HS3ST1: variants seen among roughly 807,000 people sequenced by gnomAD.
HS3ST1 encodes the protein heparan sulfate-glucosamine 3-sulfotransferase 1, also known as heparan sulfate glucosamine 3-O-sulfotransferase 1.
In HS3ST1, 8 loss-of-function variants were observed where a neutral mutation model predicts 20.7. That is an observed-to-expected ratio of 0.39 (90% confidence interval 0.23 to 0.70). The LOEUF (loss-of-function observed/expected upper bound fraction) is 0.70, where lower values mean the gene tolerates loss of function less well. Among genes scored for constraint, HS3ST1 ranks in the 30% least tolerant of loss-of-function variants. The probability of loss-of-function intolerance (pLI) is 0.46; values close to 1 mark genes in which losing one functional copy is unlikely to be tolerated. For missense variants in HS3ST1, 436 were observed against 423.4 expected (o/e 1.03, Z -0.26); for synonymous variants, 205 against 190.4 (o/e 1.08, Z -0.63).
intron 1 of HS3ST1, among the ~76,000 whole-genome samples, chr4:11,424,633 A>G (rs1412498878): frequency 2.0e-5 from 3 of 152,194 alleles, no homozygotes; most frequent in Non-Finnish European, 4.4e-5. Flanking sequence ...CACCAGAGGC[A>G]CATCAAGATG....
At chr4:11,400,389 T>G (rs1718291242) in intron 1 of HS3ST1, among the ~76,000 whole-genome samples, 2 of 152,214 alleles carry the variant, frequency 1.3e-5, no homozygotes, top group South Asian at 4.1e-4. Context: ...TGGGTGTGGT[T>G]GTGTTCCAAG....
At chr4:11,401,502 G>A (rs112292428) in intron 1 of HS3ST1, among the ~76,000 whole-genome samples, 50 of 152,062 alleles carry the variant, frequency 3.3e-4, no homozygotes, top group African/African-American at 1.1e-3. Context: ...GTGCCACCAC[G>A]CCCAGCTAAT....
chr4:11,405,326 C>T (rs1018838079), intron 1 of HS3ST1, among the ~76,000 whole-genome samples: 7 of 152,190 alleles, frequency 4.6e-5, no homozygotes, highest in African/African-American at 1.7e-4. Context: ...CTATCAGCAA[C>T]AGTAAGCTTC....
In HS3ST1 at chr4:11,407,357, C is replaced by T. The variant is rs193225745; in HGVS notation, c.-108-7244G>A. ...ACTATTCGAATATCTCCTCCTCTAGCCTTCTGTGCTTCCTTGAATCCTCTG... is the reference window on the plus strand; with the variant it reads ...ACTATTCGAATATCTCCTCCTCTAGTCTTCTGTGCTTCCTTGAATCCTCTG... On this transcript the variant is annotated intron_variant, in intron 1 of 1. Transcript: ENST00000002596. 1.4e-3 allele frequency among the ~76,000 whole-genome samples: 213 copies of T among 152,272 alleles called. 1 individual carries two copies. The highest frequency in any genetic ancestry group is 3.7e-3 in the Admixed American group (56 of 15,298).
At position 11,397,334 on chromosome 4, in the gene HS3ST1, T is replaced by A. The variant is rs1279688709; in HGVS notation, c.*1748A>T. On this transcript the variant is annotated 3_prime_UTR_variant, in exon 2 of 2. Transcript: ENST00000002596. ...GGGTGGGGCATAGGCCATGCTAAGG[T>A]CAGGTCAGGCTGGAGCTGCTGAAAC... The A allele has an allele frequency of 6.6e-6, 1 of 152,418 alleles. No homozygotes were observed. 9.4% of individuals were successfully genotyped at this position (152,418 alleles called of 1,614,324 possible).
intron 1 of HS3ST1, among the ~76,000 whole-genome samples, chr4:11,406,553 G>A (rs75822011): frequency 0.011 from 1,625 of 152,228 alleles, 31 homozygotes; most frequent in African/African-American, 0.037. Flanking sequence ...ATGCTGTTAA[G>A]GTTAAATGAC....
intron 1 of HS3ST1, among the ~76,000 whole-genome samples, chr4:11,411,950 G>A (rs1027151669): frequency 1.3e-5 from 2 of 152,048 alleles, no homozygotes; most frequent in African/African-American, 4.8e-5. Flanking sequence ...TGAAATATGG[G>A]GATGGTAACA....
upstream of HS3ST1, among the ~76,000 whole-genome samples, chr4:11,431,717 A>G (rs1187956257): frequency 6.6e-6 from 1 of 152,222 alleles, no homozygotes; most frequent in East Asian, 1.9e-4. Flanking sequence ...TAGAAACAAA[A>G]GCAACTGACC....
chr4:11,411,010 T>C (rs1180023733), intron 1 of HS3ST1, among the ~76,000 whole-genome samples: 1 of 152,220 alleles, frequency 6.6e-6, no homozygotes, highest in East Asian at 1.9e-4. Flanking sequence ...ATGTACAGGC[T>C]CTGACTTGAG....
rs148362055 is a variant in HS3ST1, at chr4:11,403,215, A to G, written c.-108-3102T>C. ...TGTTTGTGTGTGTAAATGTATGCAC[A>G]CATATATTCATAGCTAAATATAGTA... On this transcript the variant is annotated intron_variant, in intron 1 of 1. Coordinates refer to ENST00000002596, the MANE Select transcript of HS3ST1 (RefSeq NM_005114.4). Among the ~76,000 whole-genome samples the G allele has an allele frequency of 5.9e-5, 9 of 152,366 alleles. No homozygotes were observed. In the East Asian group the frequency reaches 1.5e-3, roughly 26 times the overall value.
intron 1 of HS3ST1, among the ~76,000 whole-genome samples, chr4:11,417,591 TA>T (rs1156518260): frequency 1.8e-4 from 28 of 152,142 alleles, no homozygotes; most frequent in Admixed American, 1.8e-3. Context: ...GTCCTGCACT[TA>T]AACATTAATA....
chr4:11,402,045 A>G lies in HS3ST1; in HGVS notation c.-108-1932T>C, dbSNP rs78896778. Among the ~76,000 whole-genome samples the G allele has an allele frequency of 2.0e-3, 300 of 152,368 alleles. 1 individual carries two copies. The highest frequency in any genetic ancestry group is 6.8e-3 in the African/African-American group (283 of 41,590). On this transcript the variant is annotated intron_variant, in intron 1 of 1. Transcript: ENST00000002596. The stretch of plus-strand genomic sequence containing the variant: ...TGAGGGATTTACAAAGCTAGTAAAA[A>G]TATTCTCCATCAAGAGGACTCATCA...
upstream of HS3ST1, among the ~76,000 whole-genome samples, chr4:11,434,294 CA>C (rs1449172245): frequency 6.6e-6 from 1 of 152,102 alleles, no homozygotes; most frequent in Non-Finnish European, 1.5e-5. Context: ...TTCTTTTTAA[CA>C]AAAATTAATT....
chr4:11,399,661 G>T lies in HS3ST1; in HGVS notation c.345C>A (p.Leu115=). 1 of 1,613,928 alleles carries T rather than the reference G, an allele frequency of 6.2e-7. No individual in the cohort carries two copies. Among genetic ancestry groups the T allele is most frequent in the Non-Finnish European group, 8.5e-7 (1 of 1,180,034 alleles). The stretch of plus-strand genomic sequence containing the variant: ...AATACGCGGGGGTCTTCTCCACTGT[G>T]AGCTGGTGTGGCCAGGAGAAGGGCA... ...SQMPFSWPHQ[L]TVEKTPAYFT... is the part of the protein sequence containing the mutation. The change falls in exon 2 of 2, where the codon CTC becomes CTA. Residue 115 remains leucine (L), a synonymous_variant. Coordinates refer to ENST00000002596, the MANE Select transcript of HS3ST1 (RefSeq NM_005114.4). This position sits in a 1 kb window ranked among gnomAD's most constrained non-coding sequence, Gnocchi z 5.1.
upstream of HS3ST1, chr4:11,429,643 C>CTGTTTTTTTTTTTTTTTTTTTTT (rs1719163580): frequency 2.1e-5 from 1 of 47,232 alleles, no homozygotes; most frequent in Non-Finnish European, 3.7e-5. Flanking sequence ...GAAAATTCAG[C>CTGTTTTTTTTTTTTTTTTTTTTT]TTTTTTTTTT....
At chr4:11,410,693 A>G (rs1021398197) in intron 1 of HS3ST1, among the ~76,000 whole-genome samples, 3 of 152,100 alleles carry the variant, frequency 2.0e-5, no homozygotes, top group African/African-American at 4.8e-5. Context: ...AGAGTTCAAG[A>G]CCAGCCGGTC....
In HS3ST1 at chr4:11,396,909, C is replaced by G. The variant is rs1718160724; in HGVS notation, c.*2173G>C. ...TTCCATGTGCTGGTCCTGTCTTCCT[C>G]CACTCCTCCCCGCTGCCTCTTGCAT... On this transcript the variant is annotated 3_prime_UTR_variant, in exon 2 of 2. Coordinates refer to ENST00000002596, the MANE Select transcript of HS3ST1 (RefSeq NM_005114.4). 1 of 152,350 alleles carries G rather than the reference C, an allele frequency of 6.6e-6. No individual in the cohort carries two copies. The highest frequency in any genetic ancestry group is 2.4e-5 in the African/African-American group (1 of 41,460). The allele number at this position is 152,350 out of a possible 1,614,324, so 9.4% of individuals were successfully genotyped here. A position where few individuals can be genotyped will look rare whatever the true frequency, so the allele number is the denominator to read the frequency against.
chr4:11,424,257 A>G (rs1365901316), intron 1 of HS3ST1, among the ~76,000 whole-genome samples: 1 of 152,222 alleles, frequency 6.6e-6, no homozygotes, highest in Non-Finnish European at 1.5e-5. Context: ...TTAGAGAAAA[A>G]GAAAGATGCC....
rs146635803 is a variant in HS3ST1, at chr4:11,418,620, A to G, written c.-109+10079T>C. On this transcript the variant is annotated intron_variant, in intron 1 of 1. Transcript: ENST00000002596. ...ATCCTGCATCACAGAATGACTGGTA[A>G]CAATGTACTCATCACCCCAGAAAGG... Among the ~76,000 whole-genome samples the G allele has an allele frequency of 4.8e-4, 73 of 152,288 alleles. 2 individuals carry two copies. Among genetic ancestry groups the G allele is most frequent in the African/African-American group, 1.6e-3 (65 of 41,572 alleles).
Sources: allele counts gnomAD v4.1 joint callset (sites outside exome capture counted in the v4.1 genomes callset), GRCh38; gene constraint gnomAD v4.1.1; non-coding constraint Gnocchi (gnomAD v3.1); transcripts MANE v1.5; gene names NCBI Gene and HGNC (gene_info 2026-07-23, HGNC 2026-07-21).